Variants in PHKA2 observed in about 807,000 individuals in gnomAD.
PHKA2 encodes the protein phosphorylase kinase regulatory subunit alpha 2.
A neutral mutation model predicts 102.0 loss-of-function variants in PHKA2; 31 were observed. The ratio of observed to expected loss-of-function variants is 0.30; its 90% CI spans 0.23 to 0.41. The LOEUF is 0.41. Ranked by LOEUF, PHKA2 falls within the 10% of genes least tolerant of loss-of-function variation. The pLI, the probability that PHKA2 is intolerant of heterozygous loss-of-function variation, is 1.00. For missense variants in PHKA2, 858 were observed against 1,023.1 expected, an observed-to-expected ratio of 0.84 and a Z score of 2.20; for synonymous variants, 455 against 416.2, an observed-to-expected ratio of 1.09 and a Z score of -1.13.
At chrX:18,947,359 G>A (rs1366067472) in intron 5 of PHKA2, among the ~76,000 whole-genome samples, 1 of 112,037 alleles carries the variant, frequency 8.9e-6, no homozygotes, top group Admixed American at 9.5e-5. Flanking sequence ...TTGTGTAAAG[G>A]TGCCTCAGGC....
At position 18,918,814 on chromosome X, in the gene PHKA2, C is replaced by T. The variant is rs781745294; in HGVS notation, c.2004G>A (p.Leu668=). The T allele has an allele frequency of 2.2e-5, 27 of 1,209,040 alleles. No individual in the cohort carries two copies. The Admixed American group carries it at 5.9e-4, about 26-fold the overall frequency. Residue 668 remains leucine, a synonymous_variant, in exon 19 of 33, where the codon CTG becomes CTA. Coordinates refer to ENST00000379942, the MANE Select transcript of PHKA2 (RefSeq NM_000292.3). The part of the protein sequence containing the change: ...DELDHYINHL[L]QSTSLRSYLP... ...GATAGGACCTCAACGATGTGCTTTG[C>T]AGAAGGTGGTTGATATAATGGTCAA...
intron 31 of PHKA2, chrX:18,894,915 C>T: frequency 2.2e-6 from 1 of 445,904 alleles, no homozygotes; most frequent in East Asian, 3.8e-5. Flanking sequence ...AGCTTGCTAG[C>T]CCAGAAATGC....
chrX:18,936,978 T>C (rs1238248631), intron 10 of PHKA2, among the ~76,000 whole-genome samples: 1 of 112,155 alleles, frequency 8.9e-6, no homozygotes, highest in Non-Finnish European at 1.9e-5. Context: ...TCAATTCTTT[T>C]GAGATCTTTC....
chrX:18,903,501 G>A (rs1336457205), intron 26 of PHKA2, among the ~76,000 whole-genome samples: 1 of 112,583 alleles, frequency 8.9e-6, no homozygotes, highest in African/African-American at 3.2e-5. Context: ...GCCCTGTCTG[G>A]GCAGCAGATG....
chrX:18,980,918 T>C (rs1274457232), intron 1 of PHKA2, among the ~76,000 whole-genome samples: 1 of 111,871 alleles, frequency 8.9e-6, no homozygotes, highest in Non-Finnish European at 1.9e-5. Flanking sequence ...CAATGTAAAT[T>C]GATCTCAATT....
chrX:18,913,694 C>T (rs764536304), intron 19 of PHKA2, among the ~76,000 whole-genome samples: 23 of 112,426 alleles, frequency 2.0e-4, no homozygotes, highest in African/African-American at 7.1e-4. Context: ...CCACAGCCGG[C>T]CCACAAAAAT....
intron 13 of PHKA2, 30 bp downstream of exon 13, chrX:18,929,198 T>C: frequency 1.0e-6 from 1 of 995,696 alleles, no homozygotes; most frequent in Non-Finnish European, 1.4e-6. Flanking sequence ...TTTACAAAGT[T>C]AAATATGAAC....
intron 12 of PHKA2, among the ~76,000 whole-genome samples, chrX:18,930,271 G>T (rs1231365959): frequency 8.9e-6 from 1 of 111,765 alleles, no homozygotes; most frequent in Non-Finnish European, 1.9e-5. Flanking sequence ...CCACTGTACA[G>T]GTGGGGAAAC....
intron 30 of PHKA2, chrX:18,895,742 G>T (rs989418051): frequency 8.3e-6 from 1 of 121,201 alleles, no homozygotes; most frequent in African/African-American, 3.2e-5. Flanking sequence ...GTGAGTCCGA[G>T]CGGAAGCATG....
chrX:18,967,673 AT>A (rs2048963800), intron 1 of PHKA2, among the ~76,000 whole-genome samples: 1 of 105,628 alleles, frequency 9.5e-6, no homozygotes, highest in Non-Finnish European at 2.0e-5. Flanking sequence ...ATATAGCCTT[AT>A]TTAAAAAAAA....
rs190780364 is a variant in PHKA2, at chrX:18,948,209, C to A, written c.537+535G>T. ...GCATAATGGGCCAGGAGTGGTGGCT[C>A]ACGCCTATAATCCCAGCACTTTGGG... On this transcript the variant is annotated intron_variant, in intron 5 of 32. Coordinates refer to ENST00000379942, the MANE Select transcript of PHKA2 (RefSeq NM_000292.3). 3.3e-3 allele frequency among the ~76,000 whole-genome samples: 365 copies of A among 112,169 alleles called. 3 individuals carry two copies. The highest frequency in any genetic ancestry group is 0.011 in the African/African-American group (339 of 30,898).
Position 18,925,759 on chromosome X carries a change from T to C in PHKA2, c.1478A>G (p.Asn493Ser). The change falls in exon 15 of 33, where the codon AAT becomes AGT. Residue 493 changes from asparagine to serine, a missense_variant. This residue lies in a region of PHKA2 where 671 missense variants were observed against 745.2 expected (regional missense o/e 0.90). Coordinates refer to ENST00000379942, the MANE Select transcript of PHKA2 (RefSeq NM_000292.3). ...YAKLGRNKNM[N>S]LSGRPYRHIG... is the part of the protein sequence containing the mutation. ...ATGTCGATACGGTCGCCCACTCAAA[T>C]TCATATTCTTATTCCGTCCTGTTTG... 1 of 1,176,339 alleles carries C rather than the reference T, an allele frequency of 8.5e-7. No individual in the cohort carries two copies.
rs750498601 is a variant in PHKA2, at chrX:18,893,445, G to C, written c.*40C>G. 1.3e-5 allele frequency: 15 copies of C among 1,180,366 alleles called. No homozygotes were observed. The Admixed American group carries it at 2.9e-4, about 22-fold the overall frequency. On this transcript the variant is annotated 3_prime_UTR_variant, in exon 33 of 33. Coordinates refer to ENST00000379942, the MANE Select transcript of PHKA2 (RefSeq NM_000292.3). Reference sequence around the variant, plus strand: ...GGTTCCCAGTAAGGCTAGGGGGCACGTGACAGATTGAGAGTGTGATCATGT... The same window carrying C: ...GGTTCCCAGTAAGGCTAGGGGGCACCTGACAGATTGAGAGTGTGATCATGT...
intron 20 of PHKA2, among the ~76,000 whole-genome samples, chrX:18,909,795 C>T (rs1472143104): frequency 1.8e-5 from 2 of 112,456 alleles, no homozygotes; most frequent in Non-Finnish European, 3.8e-5. Context: ...TTGCAGATGC[C>T]TGGTGTCAAG....
chrX:18,939,049 T>C lies in PHKA2; in HGVS notation c.919-300A>G, dbSNP rs138100591. On this transcript the variant is annotated intron_variant, in intron 9 of 32. Coordinates refer to ENST00000379942, the MANE Select transcript of PHKA2 (RefSeq NM_000292.3). ...TTGGCAGAGGATCTGATTTATATCA[T>C]TATATTAGTCAGTGTGGCAAAGAAA... Among the ~76,000 whole-genome samples, 3,380 of 112,617 alleles carry C rather than the reference T, an allele frequency of 0.03. 50 individuals carry two copies. The highest frequency in any genetic ancestry group is 0.052 in the South Asian group (143 of 2,725).
Position 18,983,944 on chromosome X carries a change from T to A in PHKA2, c.-12A>T. ...CTCCTGCTCCGCATCTCCCCGAGGC[T>A]CCCAGGCCGCAGCGCCCGATCTGCC... On this transcript the variant is annotated 5_prime_UTR_variant, in exon 1 of 33. Coordinates refer to ENST00000379942, the MANE Select transcript of PHKA2 (RefSeq NM_000292.3). 8.3e-7 allele frequency: 1 copy of A among 1,201,977 alleles called. No homozygotes were observed. The highest frequency in any genetic ancestry group is 1.1e-6 in the Non-Finnish European group (1 of 886,440).
chrX:18,913,062 A>G (rs1290835857), intron 19 of PHKA2, among the ~76,000 whole-genome samples: 2 of 104,840 alleles, frequency 1.9e-5, no homozygotes, highest in African/African-American at 7.1e-5. Context: ...TGGGTGACAG[A>G]GCAAGACCCT....
chrX:18,893,191 C>A lies in PHKA2; in HGVS notation c.*294G>T. ...TCTGCACTCAAAAGAGACCAATTTCCAATTCCTCCTCAGAGTCCGTGAGAC... is the reference window on the plus strand; with the variant it reads ...TCTGCACTCAAAAGAGACCAATTTCAAATTCCTCCTCAGAGTCCGTGAGAC... On this transcript the variant is annotated 3_prime_UTR_variant, in exon 33 of 33. Coordinates refer to ENST00000379942, the MANE Select transcript of PHKA2 (RefSeq NM_000292.3). 1 of 370,337 alleles carries A rather than the reference C, an allele frequency of 2.7e-6. No homozygotes were observed. The highest frequency in any genetic ancestry group is 4.8e-6 in the Non-Finnish European group (1 of 208,894). The allele number at this position is 370,337 out of a possible 1,213,427, so 30.5% of individuals were successfully genotyped here.
chrX:18,922,208 T>G (rs1181238327), intron 17 of PHKA2, among the ~76,000 whole-genome samples: 1 of 110,535 alleles, frequency 9.0e-6, no homozygotes, highest in Non-Finnish European at 1.9e-5. Context: ...ATTGTGCCAC[T>G]GCACTCCAGC....
Sources: allele counts gnomAD v4.1 joint callset (sites outside exome capture counted in the v4.1 genomes callset), GRCh38; gene constraint gnomAD v4.1.1; regional missense constraint gnomAD v4.1.1; transcripts MANE v1.5; gene names NCBI Gene and HGNC (gene_info 2026-07-23, HGNC 2026-07-21).